Variants in CHRM3 observed in about 807,000 individuals in gnomAD.
CHRM3 encodes the protein muscarinic acetylcholine receptor M3.
A neutral mutation model predicts 41.8 loss-of-function variants in CHRM3; 11 were observed. The ratio of observed to expected loss-of-function variants is 0.26; its 90% CI spans 0.17 to 0.44. The LOEUF (loss-of-function observed/expected upper bound fraction) is 0.44, where lower values mean the gene tolerates loss of function less well. CHRM3 is among the 20% of genes least tolerant of loss of function. The pLI, the probability that CHRM3 is intolerant of heterozygous loss-of-function variation, is 1.00. For synonymous variants in CHRM3, 297 were observed against 301.4 expected (o/e 0.99, Z 0.15); for missense variants, 571 against 745.4 (o/e 0.77, Z 2.72).
intron 5 of CHRM3, among the ~76,000 whole-genome samples, chr1:239,712,714 A>G (rs13353022): frequency 0.04 from 6,065 of 152,220 alleles, 394 homozygotes; most frequent in African/African-American, 0.14. Flanking sequence ...TATTTTGTAA[A>G]CCCCAAAGCA....
intron 1 of CHRM3, among the ~76,000 whole-genome samples, chr1:239,423,997 G>A (rs1273699243): frequency 6.7e-6 from 1 of 148,830 alleles, no homozygotes; most frequent in Non-Finnish European, 1.5e-5. Context: ...GGAGCTTGCA[G>A]TGAGCCGAGA....
intron 6 of CHRM3, among the ~76,000 whole-genome samples, chr1:239,844,230 A>G (rs1028779400): frequency 4.6e-5 from 7 of 152,000 alleles, no homozygotes; most frequent in Non-Finnish European, 1.0e-4. Context: ...CCTTCACCCC[A>G]CCACCCACCA....
chr1:239,814,626 TG>T (rs1249451980), intron 5 of CHRM3, among the ~76,000 whole-genome samples: 1 of 152,144 alleles, frequency 6.6e-6, no homozygotes, highest in Non-Finnish European at 1.5e-5. Context: ...AAGTGATTAG[TG>T]ACTATGCACT....
chr1:239,662,895 CTT>C (rs1673355488), intron 4 of CHRM3, among the ~76,000 whole-genome samples: 5 of 116,986 alleles, frequency 4.3e-5, no homozygotes, highest in East Asian at 3.0e-4. Flanking sequence ...TCCTCCTCCT[CTT>C]CTTCTTCTTC....
intron 1 of CHRM3, among the ~76,000 whole-genome samples, chr1:239,484,020 C>A (rs746804930): frequency 6.6e-6 from 1 of 152,144 alleles, no homozygotes; most frequent in Non-Finnish European, 1.5e-5. Flanking sequence ...AGTGTGTAGT[C>A]TTTTCAGCTT....
intron 1 of CHRM3, among the ~76,000 whole-genome samples, chr1:239,404,412 A>AAAGAAAG (rs1558195748): frequency 7.3e-5 from 3 of 41,326 alleles, no homozygotes; most frequent in East Asian, 1.2e-3. Context: ...AAGAAAGAAA[A>AAAGAAAG]AGAAAGAAAG....
intron 3 of CHRM3, among the ~76,000 whole-genome samples, chr1:239,621,272 T>A (rs2148814638): frequency 6.6e-6 from 1 of 152,244 alleles, no homozygotes; most frequent in South Asian, 2.1e-4. Flanking sequence ...TCTTCATCTC[T>A]TTTCCTCTCC....
At chr1:239,537,150 G>A (rs781228522) in intron 2 of CHRM3, among the ~76,000 whole-genome samples, 6 of 152,218 alleles carry the variant, frequency 3.9e-5, no homozygotes, top group Admixed American at 1.3e-4. Flanking sequence ...TCTCCTGGAC[G>A]AGTGTCAATT....
intron 3 of CHRM3, among the ~76,000 whole-genome samples, chr1:239,577,350 C>G (rs1662465474): frequency 6.6e-6 from 1 of 151,656 alleles, no homozygotes; most frequent in Admixed American, 6.6e-5. Flanking sequence ...TGTAATTGTT[C>G]AAATTCATTT....
chr1:239,705,252 A>G (rs1318375794), intron 5 of CHRM3: 1 of 152,198 alleles, frequency 6.6e-6, no homozygotes, highest in Non-Finnish European at 1.5e-5. Context: ...TAGTTGGGGA[A>G]AAGCAAATAG....
intron 3 of CHRM3, among the ~76,000 whole-genome samples, chr1:239,601,430 G>C (rs1211967202): frequency 6.6e-6 from 1 of 152,096 alleles, no homozygotes; most frequent in African/African-American, 2.4e-5. Flanking sequence ...AAATCTGGCA[G>C]AGCTTATTGA....
At chr1:239,663,794 C>T (rs1279347371) in intron 4 of CHRM3, among the ~76,000 whole-genome samples, 1 of 152,138 alleles carries the variant, frequency 6.6e-6, no homozygotes, top group Non-Finnish European at 1.5e-5. Flanking sequence ...ATTCCTGGGC[C>T]TTACCTCAGG....
At chr1:239,522,697 C>T (rs1002796913) in intron 2 of CHRM3, among the ~76,000 whole-genome samples, 3 of 152,066 alleles carry the variant, frequency 2.0e-5, no homozygotes, top group Non-Finnish European at 4.4e-5. Context: ...CAGGCAGATG[C>T]GTTTAGACTT....
intron 6 of CHRM3, among the ~76,000 whole-genome samples, chr1:239,889,104 G>A (rs1678321309): frequency 6.6e-6 from 1 of 152,170 alleles, no homozygotes; most frequent in Admixed American, 6.5e-5. Context: ...GTAAGAAACA[G>A]AATAGCTCTC....
intron 6 of CHRM3, among the ~76,000 whole-genome samples, chr1:239,906,575 T>A (rs1291801809): frequency 6.6e-6 from 1 of 152,136 alleles, no homozygotes; most frequent in Non-Finnish European, 1.5e-5. Context: ...TTGTAATGCT[T>A]CTTAGTTGTT....
chr1:239,686,918 T>A (rs1415351042), intron 5 of CHRM3, among the ~76,000 whole-genome samples: 1 of 152,194 alleles, frequency 6.6e-6, no homozygotes, highest in Non-Finnish European at 1.5e-5. Context: ...ACCTGCTTTC[T>A]AAGATTTTAA....
At chr1:239,519,202 TTGAA>T (rs1669465331) in intron 2 of CHRM3, among the ~76,000 whole-genome samples, 1 of 152,196 alleles carries the variant, frequency 6.6e-6, no homozygotes, top group South Asian at 2.1e-4. Flanking sequence ...TGGAGATAAT[TTGAA>T]TGTAATTCCT....
intron 3 of CHRM3, among the ~76,000 whole-genome samples, chr1:239,589,363 G>A (rs564175589): frequency 6.6e-6 from 1 of 151,664 alleles, no homozygotes; most frequent in Non-Finnish European, 1.5e-5. Context: ...CTTCCTACCT[G>A]TGTAGACATC....
chr1:239,872,838 A>G (rs1317924205), intron 6 of CHRM3, among the ~76,000 whole-genome samples: 2 of 152,178 alleles, frequency 1.3e-5, no homozygotes, highest in Non-Finnish European at 2.9e-5. Flanking sequence ...CAGGCTCTCA[A>G]TCCCTCAGAG....
Sources: gnomAD v4.1 joint callset for allele counts (sites outside exome capture counted in the v4.1 genomes callset) on GRCh38, gnomAD v4.1.1 for gene constraint, MANE v1.5 for transcripts, NCBI Gene and HGNC (gene_info 2026-07-23, HGNC 2026-07-21) for gene names.